Variants in IL1RAPL1 observed in about 807,000 individuals in gnomAD.
The protein encoded by IL1RAPL1 is interleukin 1 receptor accessory protein like 1, also known as interleukin-1 receptor accessory protein-like 1.
Under a neutral mutation model 48.4 loss-of-function variants are expected in IL1RAPL1, and 3 were observed. That is an observed-to-expected ratio of 0.06 (90% CI 0.03 to 0.16). The LOEUF (loss-of-function observed/expected upper bound fraction) is 0.16. Ranked by LOEUF, IL1RAPL1 falls within the 10% of genes least tolerant of loss-of-function variation. The pLI, the probability that IL1RAPL1 is intolerant of heterozygous loss-of-function variation, is 1.00. For missense variants in IL1RAPL1, 349 were observed against 530.6 expected, an observed-to-expected ratio of 0.66 and a Z score of 3.36; for synonymous variants, 185 against 187.7, an observed-to-expected ratio of 0.99 and a Z score of 0.12.
intron 5 of IL1RAPL1, among the ~76,000 whole-genome samples, chrX:29,455,567 A>G (rs193262382): frequency 6.3e-5 from 7 of 111,733 alleles, no homozygotes; most frequent in South Asian, 3.7e-4. Flanking sequence ...TGAAAGTTCT[A>G]TGGTATTTAG....
rs189640677 is a variant in IL1RAPL1, at chrX:29,364,897, A to T, written c.363-31361A>T. Among the ~76,000 whole-genome samples the T allele has an allele frequency of 2.5e-3, 282 of 111,766 alleles. 2 individuals carry two copies. Among genetic ancestry groups the T allele is most frequent in the African/African-American group, 8.6e-3 (265 of 30,810 alleles). ...GGGATGACTGTATAGACTTTTATAT[A>T]TGTATACATATTTAAAATTCTATGT... On this transcript the variant is annotated intron_variant, in intron 3 of 10. Coordinates refer to ENST00000378993, the MANE Select transcript of IL1RAPL1 (RefSeq NM_014271.4).
intron 2 of IL1RAPL1, among the ~76,000 whole-genome samples, chrX:29,251,105 G>T (rs762498149): frequency 8.8e-6 from 1 of 114,126 alleles, no homozygotes; most frequent in Non-Finnish European, 1.9e-5. Context: ...TATTACCCCT[G>T]TTTTGCAACT....
intron 2 of IL1RAPL1, among the ~76,000 whole-genome samples, chrX:29,245,714 C>T (rs964040089): frequency 8.9e-6 from 1 of 111,879 alleles, no homozygotes; most frequent in African/African-American, 3.3e-5. Context: ...AATTTTCTCC[C>T]ATTCTGTAGG....
At chrX:29,091,100 T>C (rs1444586054) in intron 2 of IL1RAPL1, among the ~76,000 whole-genome samples, 3 of 112,280 alleles carry the variant, frequency 2.7e-5, no homozygotes, top group Non-Finnish European at 5.6e-5. Context: ...CATGTGAATA[T>C]AAACTTATTA....
intron 2 of IL1RAPL1, among the ~76,000 whole-genome samples, chrX:28,977,112 C>T (rs766892799): frequency 8.9e-6 from 1 of 112,427 alleles, no homozygotes; most frequent in Admixed American, 9.4e-5. Flanking sequence ...TTGATTGTAT[C>T]AACTTCTGCT....
intron 1 of IL1RAPL1, among the ~76,000 whole-genome samples, chrX:28,721,766 T>C (rs1261969156): frequency 9.0e-6 from 1 of 111,209 alleles, no homozygotes; most frequent in African/African-American, 3.3e-5. Flanking sequence ...TGAATTAATT[T>C]TTGTATAAGG....
chrX:29,096,781 C>T (rs1187193259), intron 2 of IL1RAPL1, among the ~76,000 whole-genome samples: 1 of 109,908 alleles, frequency 9.1e-6, no homozygotes, highest in East Asian at 2.8e-4. Flanking sequence ...TCTTTGAGGT[C>T]CAAAATGGCC....
intron 5 of IL1RAPL1, among the ~76,000 whole-genome samples, chrX:29,539,322 TC>T (rs1921354226): frequency 8.9e-6 from 1 of 111,861 alleles, no homozygotes; most frequent in African/African-American, 3.3e-5. Context: ...TGTGATCATC[TC>T]AATAGATGTG....
intron 9 of IL1RAPL1, among the ~76,000 whole-genome samples, chrX:29,944,950 A>AT (rs1232963723): frequency 1.8e-5 from 2 of 109,758 alleles, no homozygotes; most frequent in Admixed American, 9.7e-5. Context: ...CCACCTTCCC[A>AT]TTAAAAAAAA....
intron 6 of IL1RAPL1, among the ~76,000 whole-genome samples, chrX:29,673,660 C>T (rs138054948): frequency 4.2e-3 from 470 of 111,904 alleles, no homozygotes; most frequent in South Asian, 0.015. Context: ...CTGAAATAAA[C>T]CTGTTAGACA....
At chrX:29,202,885 G>T (rs1432967377) in intron 2 of IL1RAPL1, among the ~76,000 whole-genome samples, 1 of 111,216 alleles carries the variant, frequency 9.0e-6, no homozygotes, top group Non-Finnish European at 1.9e-5. Context: ...GTAGGATGAA[G>T]GTTGAAAAAC....
intron 3 of IL1RAPL1, among the ~76,000 whole-genome samples, chrX:29,343,388 G>T (rs1317160674): frequency 9.0e-6 from 1 of 111,150 alleles, no homozygotes; most frequent in Non-Finnish European, 1.9e-5. Context: ...AGTGGTACAG[G>T]CCTAATGGTT....
intron 2 of IL1RAPL1, among the ~76,000 whole-genome samples, chrX:29,228,990 A>G (rs1023119394): frequency 1.8e-5 from 2 of 111,656 alleles, no homozygotes; most frequent in Non-Finnish European, 3.8e-5. Flanking sequence ...TTCTTTAGTA[A>G]GAGCTGTGAG....
intron 5 of IL1RAPL1, among the ~76,000 whole-genome samples, chrX:29,509,950 A>G (rs1281796862): frequency 2.7e-5 from 3 of 112,127 alleles, no homozygotes; most frequent in Non-Finnish European, 3.8e-5. Context: ...GTAAAAGACA[A>G]TGGGATCACT....
intron 5 of IL1RAPL1, among the ~76,000 whole-genome samples, chrX:29,665,831 C>T (rs1393392727): frequency 8.9e-6 from 1 of 112,034 alleles, no homozygotes; most frequent in Non-Finnish European, 1.9e-5. Flanking sequence ...GGCAAGAGCT[C>T]TCTGCCGTAG....
rs202186562 is a variant in IL1RAPL1 at position 29,872,502 on chromosome X, T to TGA, written c.779-44959_779-44958dup. 8.5e-3 allele frequency among the ~76,000 whole-genome samples: 948 copies of TGA among 111,628 alleles called. 12 individuals carry two copies. Among genetic ancestry groups the TGA allele is most frequent in the African/African-American group, 0.029 (896 of 30,656 alleles). On this transcript the variant is annotated intron_variant, in intron 6 of 10. Coordinates refer to ENST00000378993, the MANE Select transcript of IL1RAPL1 (RefSeq NM_014271.4). ...TTCCTAATGCAATAATATTAAGAGGTGAGACCTTTAGGAGGTGATTAGGCT... is the reference window on the plus strand; with the variant it reads ...TTCCTAATGCAATAATATTAAGAGGTGAGAGACCTTTAGGAGGTGATTAGGCT...
intron 3 of IL1RAPL1, among the ~76,000 whole-genome samples, chrX:29,333,798 A>ACC (rs1287418570): frequency 3.3e-4 from 1 of 3,025 alleles, no homozygotes; most frequent in Non-Finnish European, 8.1e-4. Flanking sequence ...CGGCTGGCCG[A>ACC]CCCCCCCCCC....
chrX:28,939,247 G>A (rs1053279758), intron 2 of IL1RAPL1, among the ~76,000 whole-genome samples: 23 of 110,815 alleles, frequency 2.1e-4, no homozygotes, highest in African/African-American at 6.9e-4. Context: ...GTTCATTGCA[G>A]CAGTATTCAC....
intron 5 of IL1RAPL1, among the ~76,000 whole-genome samples, chrX:29,664,518 C>T (rs775112096): frequency 9.1e-6 from 1 of 110,407 alleles, no homozygotes. Flanking sequence ...CAAAATGTAT[C>T]GAATATTCTC....
Sources: allele counts gnomAD v4.1 joint callset (sites outside exome capture counted in the v4.1 genomes callset), GRCh38; gene constraint gnomAD v4.1.1; transcripts MANE v1.5; gene names NCBI Gene and HGNC (gene_info 2026-07-23, HGNC 2026-07-21).